Variants in ARMC12 observed in about 807,000 individuals in gnomAD.
The protein encoded by ARMC12 is armadillo repeat-containing protein 12.
Under a neutral mutation model 37.4 loss-of-function variants are expected in ARMC12, and 25 were observed. The ratio of observed to expected loss-of-function variants is 0.67; its 90% CI spans 0.49 to 0.93. The LOEUF is 0.93. ARMC12 is among the 40% of genes least tolerant of loss of function. The pLI, the probability that ARMC12 is intolerant of heterozygous loss-of-function variation, is 0.00. For synonymous variants in ARMC12, 167 were observed against 176.1 expected (o/e 0.95, Z 0.41); for missense variants, 384 against 426.6 (o/e 0.90, Z 0.88).
chr6:35,733,166 C>T (rs959498033), upstream of ARMC12, among the ~76,000 whole-genome samples: 1 of 151,860 alleles, frequency 6.6e-6, no homozygotes, highest in Admixed American at 6.6e-5. Flanking sequence ...AGCCAGACTC[C>T]GTCTCAAAAA....
At position 35,737,065 on chromosome 6, in the gene ARMC12, C is replaced by A; in HGVS notation, c.-44C>A. On this transcript the variant is annotated 5_prime_UTR_variant, in exon 1 of 6. Transcript: ENST00000373866. Reference sequence around the variant, plus strand: ...GGTTCCGGAAGGCCCCCCACAGGTGCCTTGGGCCTAGCTCTCACCTGGGCC... The same window carrying A: ...GGTTCCGGAAGGCCCCCCACAGGTGACTTGGGCCTAGCTCTCACCTGGGCC... The A allele has an allele frequency of 6.2e-7, 1 of 1,607,506 alleles. No individual in the cohort carries two copies.
At chr6:35,734,387 C>T (rs576196308), upstream of ARMC12, among the ~76,000 whole-genome samples, 8 of 152,278 alleles carry the variant, frequency 5.3e-5, no homozygotes, top group South Asian at 1.7e-3. Flanking sequence ...GGCTCGAACT[C>T]CTGGGCTCAA....
At chr6:35,744,487 A>G (rs1020993067) in intron 3 of ARMC12, among the ~76,000 whole-genome samples, 2 of 152,080 alleles carry the variant, frequency 1.3e-5, no homozygotes. Context: ...ACTCAGCTAA[A>G]TTGTATCAAG....
At chr6:35,732,103 G>C (rs1766846685), upstream of ARMC12, among the ~76,000 whole-genome samples, 1 of 152,174 alleles carries the variant, frequency 6.6e-6, no homozygotes, top group Non-Finnish European at 1.5e-5. Context: ...GGCCCGGGAC[G>C]GGGAAAGGCG....
intron 1 of ARMC12, 76 bp downstream of exon 1, chr6:35,737,347 C>A: frequency 6.2e-7 from 1 of 1,614,112 alleles, no homozygotes. Context: ...GTGGGAGGGC[C>A]CAAAGGTGAT....
At chr6:35,737,904 C>G in intron 1 of ARMC12, 123 bp from the exon 2 acceptor site, 1 of 1,369,068 alleles carries the variant, frequency 7.3e-7, no homozygotes. Flanking sequence ...CTGCATATGG[C>G]GAGAAGGCTT....
chr6:35,747,069 A>AG (rs1211444249), intron 3 of ARMC12, among the ~76,000 whole-genome samples, 192 bp from the exon 4 acceptor site: 1 of 151,314 alleles, frequency 6.6e-6, no homozygotes, highest in Admixed American at 6.6e-5. Context: ...AAAAAAAAAA[A>AG]AAAAAAGCCA....
At position 35,748,825 on chromosome 6, in the gene ARMC12, C is replaced by A; in HGVS notation, c.978C>A (p.Pro326=). The part of the protein sequence containing the change: ...LQYPQDLRAR[P]SSCQPSRSYF... ...ATCCCCAGGACTTGAGAGCCCGGCC[C>A]TCCTCCTGCCAGCCCAGTCGTTCCT... is the stretch of plus-strand genomic sequence containing the variant. Residue 326 remains proline (P), a synonymous_variant, in exon 6 of 6, where the codon CCC becomes CCA. Transcript: ENST00000373866. 6.2e-7 allele frequency: 1 copy of A among 1,613,810 alleles called. No individual in the cohort carries two copies. Among genetic ancestry groups the A allele is most frequent in the East Asian group, 2.2e-5 (1 of 44,882 alleles).
intron 3 of ARMC12, among the ~76,000 whole-genome samples, chr6:35,745,788 G>A (rs572170299): frequency 5.2e-4 from 79 of 152,336 alleles, no homozygotes; most frequent in African/African-American, 1.8e-3. Flanking sequence ...GCTCAGGCCT[G>A]TAAACCCAGC....
chr6:35,741,913 A>G (rs1767179566), intron 3 of ARMC12, among the ~76,000 whole-genome samples: 1 of 152,148 alleles, frequency 6.6e-6, no homozygotes, highest in African/African-American at 2.4e-5. Flanking sequence ...TCTCAAGTGC[A>G]GTGGTACGAT....
chr6:35,739,904 G>A (rs186805707), intron 3 of ARMC12, among the ~76,000 whole-genome samples: 101 of 152,298 alleles, frequency 6.6e-4, no homozygotes, highest in Non-Finnish European at 1.2e-3. Context: ...CTCCCCAGAA[G>A]TTGGGAGCAA....
At chr6:35,741,117 C>A (rs548398298) in intron 3 of ARMC12, among the ~76,000 whole-genome samples, 4 of 152,200 alleles carry the variant, frequency 2.6e-5, no homozygotes, top group South Asian at 4.1e-4. Context: ...AATTCTCCCC[C>A]CTGGGTCTCT....
In ARMC12 at chr6:35,748,736, C is replaced by T. The variant is rs2151049706; in HGVS notation, c.889C>T (p.Leu297=). 6.2e-7 allele frequency: 1 copy of T among 1,614,224 alleles called. No homozygotes were observed. The highest frequency in any genetic ancestry group is 8.5e-7 in the Non-Finnish European group (1 of 1,180,048). ...ESRLADRLLA[L]VIHPEEDVQI... is the part of the protein sequence containing the mutation. ...CCGACTGGCAGACCGACTACTTGCC[C>T]TGGTCATCCACCCTGAGGAAGATGT... Residue 297 remains leucine (L), a synonymous_variant, in exon 6 of 6, where the codon CTG becomes TTG. Transcript: ENST00000373866.
At chr6:35,747,074 A>AAAAAAAAAAAT (rs1767360902) in intron 3 of ARMC12, among the ~76,000 whole-genome samples, 187 bp from the exon 4 acceptor site, 1 of 151,322 alleles carries the variant, frequency 6.6e-6, no homozygotes, top group Non-Finnish European at 1.5e-5. Context: ...AAAAAAAAAA[A>AAAAAAAAAAAT]AGCCAAATAA....
chr6:35,748,735 C>T lies in ARMC12; in HGVS notation c.888C>T (p.Ala296=), dbSNP rs1767417655. ...CCCGACTGGCAGACCGACTACTTGC[C>T]CTGGTCATCCACCCTGAGGAAGATG... ...EESRLADRLL[A]LVIHPEEDVQ... Residue 296 remains alanine (A), a synonymous_variant, in exon 6 of 6, where the codon GCC becomes GCT. Coordinates refer to ENST00000373866, the MANE Select transcript of ARMC12 (RefSeq NM_001286574.2). The T allele has an allele frequency of 1.2e-6, 2 of 1,614,206 alleles. No homozygotes were observed. The highest frequency in any genetic ancestry group is 1.3e-5 in the African/African-American group (1 of 75,040).
intron 3 of ARMC12, among the ~76,000 whole-genome samples, chr6:35,739,870 T>C (rs538557317): frequency 1.3e-5 from 2 of 152,322 alleles, no homozygotes; most frequent in South Asian, 4.1e-4. Context: ...CTTGATGAAT[T>C]AAATCATGTC....
In ARMC12 at chr6:35,749,053, A is replaced by T; in HGVS notation, c.*183A>T. 1.8e-6 allele frequency: 1 copy of T among 548,778 alleles called. No individual in the cohort carries two copies. Among genetic ancestry groups the T allele is most frequent in the Non-Finnish European group, 3.1e-6 (1 of 327,244 alleles). The allele number at this position is 548,778 out of a possible 1,614,324, so 34.0% of individuals were successfully genotyped here. A position where few individuals can be genotyped will look rare whatever the true frequency, so the allele number is the denominator to read the frequency against. ...TCCCCACTTCTATGTTTGGGGGACT[A>T]GCTCCCCTCTTCTCTTGCTGCTTTT... is the stretch of plus-strand genomic sequence containing the variant. On this transcript the variant is annotated 3_prime_UTR_variant, in exon 6 of 6. Transcript: ENST00000373866.
At chr6:35,732,060 G>A (rs573080985), upstream of ARMC12, among the ~76,000 whole-genome samples, 298 of 152,288 alleles carry the variant, frequency 2.0e-3, 4 homozygotes, top group East Asian at 1.9e-3. Flanking sequence ...GGGGGGAGGA[G>A]GTAGTCCGGG....
chr6:35,742,453 C>T (rs183530143), intron 3 of ARMC12, among the ~76,000 whole-genome samples: 2 of 144,838 alleles, frequency 1.4e-5, no homozygotes. Flanking sequence ...GCCAAGATCA[C>T]GCCACTGCAC....
Sources: gnomAD v4.1 joint callset for allele counts (sites outside exome capture counted in the v4.1 genomes callset) on GRCh38, gnomAD v4.1.1 for gene constraint, MANE v1.5 for transcripts, NCBI Gene and HGNC (gene_info 2026-07-23, HGNC 2026-07-21) for gene names.